The following ZDHHC11 variants were observed in gnomAD, a reference collection of about 807,000 sequenced individuals.
ZDHHC11 encodes palmitoyltransferase ZDHHC11.
A neutral mutation model predicts 51.3 loss-of-function variants in ZDHHC11; 44 were observed. That is an observed-to-expected ratio of 0.86 (90% CI 0.67 to 1.10). The LOEUF is 1.10. Ranked by LOEUF, ZDHHC11 falls within the 50% of genes least tolerant of loss-of-function variation. ZDHHC11 has a pLI of 0.00. For missense variants in ZDHHC11, 400 were observed against 537.7 expected, an observed-to-expected ratio of 0.74 and a Z score of 2.53; for synonymous variants, 163 against 222.0, an observed-to-expected ratio of 0.73 and a Z score of 2.36.
chr5:821,673 G>A lies in ZDHHC11; in HGVS notation c.1058+188C>T, dbSNP rs754443851. 9.3e-5 allele frequency among the ~76,000 whole-genome samples: 14 copies of A among 151,346 alleles called. 1 individual carries two copies. The highest frequency in any genetic ancestry group is 1.9e-4 in the African/African-American group (8 of 41,244). On this transcript the variant is annotated intron_variant, in intron 9 of 12. Transcript: ENST00000283441. Reference sequence around the variant, plus strand: ...AATCACAGAGCCTTTAAAAGAAGCCGCAGGCTGCTGTGATTCCACAGGACA... The same window carrying A: ...AATCACAGAGCCTTTAAAAGAAGCCACAGGCTGCTGTGATTCCACAGGACA...
chr5:827,239 T>C (rs565045377), intron 7 of ZDHHC11, among the ~76,000 whole-genome samples: 38 of 148,918 alleles, frequency 2.6e-4, no homozygotes, highest in Non-Finnish European at 3.0e-5. Flanking sequence ...TTCCAAATCT[T>C]AAAACAAAAC....
chr5:841,901 T>C, intron 4 of ZDHHC11: 1 of 989,498 alleles, frequency 1.0e-6, no homozygotes, highest in Non-Finnish European at 1.2e-6. Context: ...TCTCTGGAAC[T>C]GGTGGCCTCG....
intron 7 of ZDHHC11, 108 bp from the exon 8 acceptor site, chr5:825,359 A>G: frequency 1.7e-6 from 2 of 1,155,360 alleles, no homozygotes; most frequent in Non-Finnish European, 2.6e-6. Context: ...TGTGGGGCAC[A>G]CATGTCTCAG....
intron 1 of ZDHHC11, among the ~76,000 whole-genome samples, chr5:856,182 G>A (rs759447432): frequency 6.7e-6 from 1 of 149,884 alleles, no homozygotes; most frequent in Non-Finnish European, 1.5e-5. Context: ...CACAGACCAC[G>A]TACCACACAC....
In ZDHHC11 at chr5:831,389, G is replaced by T. The variant is rs1295440258; in HGVS notation, c.935+2384C>A. 3.3e-5 allele frequency among the ~76,000 whole-genome samples: 5 copies of T among 149,418 alleles called. 1 individual carries two copies. Among genetic ancestry groups the T allele is most frequent in the African/African-American group, 1.2e-4 (5 of 40,732 alleles). ...ACTTGAAGTCAAGAGTTCAAGACCA[G>T]CCTGGCTAACATGGTGAAACTTGTC... On this transcript the variant is annotated intron_variant, in intron 7 of 12. Coordinates refer to ENST00000283441, the MANE Select transcript of ZDHHC11 (RefSeq NM_024786.3).
upstream of ZDHHC11, among the ~76,000 whole-genome samples, chr5:855,507 T>TG (rs1479944248): frequency 3.5e-5 from 3 of 86,572 alleles, no homozygotes; most frequent in East Asian, 7.6e-4. Context: ...GACAGCAAGC[T>TG]GGGGTCACAG....
In ZDHHC11 at chr5:850,527, G is replaced by A. The variant is rs1747031518; in HGVS notation, c.76C>T (p.Pro26Ser). The change falls in exon 1 of 13, where the codon CCC (proline) becomes TCC (serine). Residue 26 changes from proline (P) to serine (S), a missense_variant. This residue lies in a region of ZDHHC11 where 119 missense variants were observed against 99.6 expected (regional missense o/e 1.20). Coordinates refer to ENST00000283441, the MANE Select transcript of ZDHHC11 (RefSeq NM_024786.3). ...ILNNEKLVLP[P>S]RISRVNGWSL... ...CAGCCGTTCACTCTGGAGATGCGGG[G>A]CGGCAAGACCAGCTTTTCATTATTG... 1.9e-6 allele frequency: 3 copies of A among 1,613,692 alleles called. No homozygotes were observed. Among genetic ancestry groups the A allele is most frequent in the Non-Finnish European group, 2.5e-6 (3 of 1,180,050 alleles).
At chr5:835,225 T>C (rs1579700084) in intron 6 of ZDHHC11, among the ~76,000 whole-genome samples, 1 of 151,064 alleles carries the variant, frequency 6.6e-6, no homozygotes, top group African/African-American at 2.4e-5. Context: ...TGGGTAATCT[T>C]TGTACAGGTA....
In ZDHHC11 at chr5:850,449, G is replaced by T; in HGVS notation, c.154C>A (p.Leu52Ile). ...QVVTWAVFVG[L>I]SSATFGIFIP... ...AAGATCCCGAAGGTGGCCGAGGAAA[G>T]GCCCACGAAGACAGCCCAGGTCACC... The change falls in exon 1 of 13, where the codon CTT becomes ATT. Residue 52 changes from leucine to isoleucine, a missense_variant. Transcript: ENST00000283441. 1.9e-6 allele frequency: 3 copies of T among 1,613,680 alleles called. No homozygotes were observed. Among genetic ancestry groups the T allele is most frequent in the Non-Finnish European group, 2.5e-6 (3 of 1,180,036 alleles).
At chr5:818,426 A>T (rs1741118009) in intron 10 of ZDHHC11, among the ~76,000 whole-genome samples, 1 of 151,600 alleles carries the variant, frequency 6.6e-6, no homozygotes, top group South Asian at 2.1e-4. Flanking sequence ...AGGCTGGCTG[A>T]TCCCTTTTCA....
chr5:859,446 A>G (rs886666452), upstream of ZDHHC11, among the ~76,000 whole-genome samples: 2 of 152,130 alleles, frequency 1.3e-5, no homozygotes, highest in African/African-American at 4.8e-5. Flanking sequence ...GCAGCAAGAC[A>G]ACCCTAAAAA....
intron 8 of ZDHHC11, among the ~76,000 whole-genome samples, chr5:822,585 A>G (rs1259810961): frequency 6.6e-6 from 1 of 151,570 alleles, no homozygotes; most frequent in African/African-American, 2.4e-5. Context: ...CTGCTCGCCA[A>G]TGTGGCATCA....
intron 10 of ZDHHC11, 51 bp downstream of exon 10, chr5:819,474 A>G: frequency 6.3e-7 from 1 of 1,579,748 alleles, no homozygotes. Context: ...CAGACCACAC[A>G]TTCTGCACAT....
At chr5:806,085 T>C (rs1579549087) in intron 11 of ZDHHC11, among the ~76,000 whole-genome samples, 1 of 151,224 alleles carries the variant, frequency 6.6e-6, no homozygotes, top group East Asian at 1.9e-4. Flanking sequence ...AGAGTGGGGT[T>C]AGTGATCATA....
At chr5:841,265 C>G in intron 4 of ZDHHC11, 3 of 1,024,362 alleles carry the variant, frequency 2.9e-6, no homozygotes, top group Non-Finnish European at 3.5e-6. Context: ...TTCCTAAGTG[C>G]CAGGGCCCCA....
At chr5:840,084 G>A in intron 5 of ZDHHC11, 1 of 611,076 alleles carries the variant, frequency 1.6e-6, no homozygotes, top group East Asian at 2.7e-5. Flanking sequence ...TGACCTGCCT[G>A]TAATATATTT....
At position 822,548 on chromosome 5, in the gene ZDHHC11, A is replaced by G. The variant is rs966335890; in HGVS notation, c.1024-653T>C. Reference sequence around the variant, plus strand: ...GAGTGCTGGCTCATATGATAAGTACATGCTCAGCATCTGAAGCTTTGCCAA... The same window carrying G: ...GAGTGCTGGCTCATATGATAAGTACGTGCTCAGCATCTGAAGCTTTGCCAA... On this transcript the variant is annotated intron_variant, in intron 8 of 12. Coordinates refer to ENST00000283441, the MANE Select transcript of ZDHHC11 (RefSeq NM_024786.3). 3.3e-5 allele frequency among the ~76,000 whole-genome samples: 5 copies of G among 151,618 alleles called. No homozygotes were observed. The South Asian group carries it at 6.2e-4, about 19-fold the overall frequency.
intron 11 of ZDHHC11, among the ~76,000 whole-genome samples, chr5:804,573 T>G (rs1330310886): frequency 6.6e-6 from 1 of 151,224 alleles, no homozygotes; most frequent in East Asian, 1.9e-4. Context: ...TGTTAAGGCA[T>G]AGACAACAAG....
Position 820,394 on chromosome 5 carries a change from T to A in ZDHHC11, c.1059-782A>T, listed in dbSNP as rs543490831. On this transcript the variant is annotated intron_variant, in intron 9 of 12. Coordinates refer to ENST00000283441, the MANE Select transcript of ZDHHC11 (RefSeq NM_024786.3). The stretch of plus-strand genomic sequence containing the variant: ...CTGCTGAACTAAGCAAAAGTCTGCA[T>A]GAATTCTCTGCAGTTGTGATCATTA... 3.9e-4 allele frequency among the ~76,000 whole-genome samples: 59 copies of A among 151,734 alleles called. 1 individual carries two copies. The highest frequency in any genetic ancestry group is 1.3e-3 in the African/African-American group (55 of 41,458).
Sources: gnomAD v4.1 joint callset for allele counts (sites outside exome capture counted in the v4.1 genomes callset) on GRCh38, gnomAD v4.1.1 for gene constraint, gnomAD v4.1.1 regional missense constraint, MANE v1.5 for transcripts, NCBI Gene and HGNC (gene_info 2026-07-23, HGNC 2026-07-21) for gene names.